The following ADGRB3 variants were observed in gnomAD, a reference collection of about 807,000 sequenced individuals.
The protein encoded by ADGRB3 is brain-specific angiogenesis inhibitor 3.
A neutral mutation model predicts 193.4 loss-of-function variants in ADGRB3; 37 were observed. The observed-to-expected ratio is 0.19, with a 90% CI of 0.15 to 0.25. The LOEUF (loss-of-function observed/expected upper bound fraction) is 0.25, where lower values mean the gene tolerates loss of function less well. Among genes scored for constraint, ADGRB3 ranks in the 10% least tolerant of loss-of-function variants. The probability of loss-of-function intolerance (pLI) is 1.00; values close to 1 mark genes in which losing one functional copy is unlikely to be tolerated. For synonymous variants in ADGRB3, 690 were observed against 644.2 expected (o/e 1.07, Z -1.08); for missense variants, 1,637 against 1,852.9 (o/e 0.88, Z 2.14).
intron 20 of ADGRB3, among the ~76,000 whole-genome samples, chr6:69,283,808 C>G (rs1005504565): frequency 6.6e-6 from 1 of 152,130 alleles, no homozygotes; most frequent in African/African-American, 2.4e-5. Flanking sequence ...TCAGTACAAG[C>G]AAGTGCGGCA....
At chr6:69,000,698 A>T (rs1562116919) in intron 11 of ADGRB3, among the ~76,000 whole-genome samples, 1 of 152,230 alleles carries the variant, frequency 6.6e-6, no homozygotes, top group Non-Finnish European at 1.5e-5. Flanking sequence ...ATCATGTTAG[A>T]CCTCAGCTAG....
At chr6:69,217,907 TA>T (rs146088732) in intron 17 of ADGRB3, among the ~76,000 whole-genome samples, 4 of 151,620 alleles carry the variant, frequency 2.6e-5, no homozygotes, top group Admixed American at 6.6e-5. Flanking sequence ...TATTCAGTTT[TA>T]AAAAAAACTA....
intron 3 of ADGRB3, among the ~76,000 whole-genome samples, chr6:68,650,706 T>A (rs2127280540): frequency 6.6e-6 from 1 of 152,324 alleles, no homozygotes; most frequent in Non-Finnish European, 1.5e-5. Flanking sequence ...TTCTTCGTTT[T>A]ATTCCGGAAA....
intron 6 of ADGRB3, among the ~76,000 whole-genome samples, chr6:68,948,066 A>G (rs980782378): frequency 6.6e-6 from 1 of 152,148 alleles, no homozygotes; most frequent in Non-Finnish European, 1.5e-5. Context: ...GGAAGGTGTG[A>G]CAATTCTATG....
In ADGRB3 at chr6:69,106,164, T is replaced by TAAAAAAAAAAAAAAAAA. The variant is rs61114782; in HGVS notation, c.2480+30129_2480+30145dup. ...ACAGGCTTTTTCTGTGAGACTGCGT[T>TAAAAAAAAAAAAAAAAA]AAAAAAAAAAAAAAAAAAAGAAAAG... On this transcript the variant is annotated intron_variant, in intron 17 of 31. Transcript: ENST00000370598. Among the ~76,000 whole-genome samples the TAAAAAAAAAAAAAAAAA allele has an allele frequency of 8.2e-4, 75 of 90,988 alleles. 1 individual carries two copies. The highest frequency in any genetic ancestry group is 2.0e-3 in the East Asian group (4 of 1,964). 59.7% of individuals were successfully genotyped at this position (90,988 alleles called of 152,430 possible).
At chr6:69,178,391 G>T (rs1775490725) in intron 17 of ADGRB3, among the ~76,000 whole-genome samples, 1 of 151,958 alleles carries the variant, frequency 6.6e-6, no homozygotes, top group South Asian at 2.1e-4. Flanking sequence ...TTTTTTGTTT[G>T]TTTGTTTTAT....
intron 17 of ADGRB3, among the ~76,000 whole-genome samples, chr6:69,180,697 T>C (rs73467786): frequency 0.022 from 3,293 of 152,314 alleles, 120 homozygotes; most frequent in African/African-American, 0.07. Context: ...GCTCTCCTTC[T>C]GCCTCAGGCC....
intron 3 of ADGRB3, among the ~76,000 whole-genome samples, chr6:68,910,622 A>G (rs1327752782): frequency 6.6e-6 from 1 of 152,324 alleles, no homozygotes; most frequent in East Asian, 1.9e-4. Context: ...CTTTCTACAT[A>G]TGGCTATCCA....
chr6:68,871,153 G>C (rs1031708568), intron 3 of ADGRB3, among the ~76,000 whole-genome samples: 4 of 152,154 alleles, frequency 2.6e-5, no homozygotes, highest in African/African-American at 9.7e-5. Context: ...AAAAAGAATT[G>C]TTTTATTCTT....
intron 3 of ADGRB3, among the ~76,000 whole-genome samples, chr6:68,887,618 TG>T (rs1181105914): frequency 2.0e-5 from 3 of 152,106 alleles, no homozygotes; most frequent in Non-Finnish European, 4.4e-5. Flanking sequence ...TATCTAGTGT[TG>T]TCTAACTTTA....
chr6:69,281,986 C>T (rs1300875365), intron 20 of ADGRB3, among the ~76,000 whole-genome samples: 1 of 152,012 alleles, frequency 6.6e-6, no homozygotes, highest in African/African-American at 2.4e-5. Context: ...GGGTATCTCT[C>T]AAGGTAATTG....
At chr6:69,123,293 A>G (rs1773769367) in intron 17 of ADGRB3, among the ~76,000 whole-genome samples, 2 of 152,174 alleles carry the variant, frequency 1.3e-5, no homozygotes, top group African/African-American at 4.8e-5. Context: ...AGTAAAATAG[A>G]GTTTTCTTCA....
chr6:69,275,886 A>C (rs1767292883), intron 20 of ADGRB3, among the ~76,000 whole-genome samples: 1 of 152,152 alleles, frequency 6.6e-6, no homozygotes, highest in Non-Finnish European at 1.5e-5. Flanking sequence ...GGAGGAAAGG[A>C]GAATCCATCA....
intron 13 of ADGRB3, among the ~76,000 whole-genome samples, chr6:69,034,117 G>A (rs992798264): frequency 1.3e-5 from 2 of 151,918 alleles, no homozygotes; most frequent in African/African-American, 2.4e-5. Context: ...TGTTTAGTAA[G>A]CATCTTCAAT....
At chr6:69,066,695 T>G (rs1443504083) in intron 16 of ADGRB3, among the ~76,000 whole-genome samples, 1 of 152,140 alleles carries the variant, frequency 6.6e-6, no homozygotes. Context: ...TTAGGGTATA[T>G]GGTCTTTAGT....
chr6:68,741,707 T>G (rs1052402448), intron 3 of ADGRB3, among the ~76,000 whole-genome samples: 1 of 152,202 alleles, frequency 6.6e-6, no homozygotes, highest in African/African-American at 2.4e-5. Context: ...AACCACTGTT[T>G]GTTACCTTTT....
At chr6:68,801,720 A>G (rs1317574370) in intron 3 of ADGRB3, among the ~76,000 whole-genome samples, 3 of 152,052 alleles carry the variant, frequency 2.0e-5, no homozygotes, top group Non-Finnish European at 4.4e-5. Context: ...AAAATAAAAT[A>G]AATAATAAAT....
chr6:69,081,006 T>C (rs1772371974), intron 17 of ADGRB3, among the ~76,000 whole-genome samples: 1 of 152,030 alleles, frequency 6.6e-6, no homozygotes. Context: ...TAAGGTCTTG[T>C]AGTTGTTCTT....
At chr6:68,997,278 A>C (rs1008652595) in intron 11 of ADGRB3, among the ~76,000 whole-genome samples, 3 of 152,148 alleles carry the variant, frequency 2.0e-5, no homozygotes, top group African/African-American at 7.2e-5. Context: ...ACTTTTTTCT[A>C]TTGAAAATCA....
Sources: gnomAD v4.1 joint callset for allele counts (sites outside exome capture counted in the v4.1 genomes callset) on GRCh38, gnomAD v4.1.1 for gene constraint, MANE v1.5 for transcripts, NCBI Gene and HGNC (gene_info 2026-07-23, HGNC 2026-07-21) for gene names.